The following PREX1 variants were observed in gnomAD, a reference collection of about 807,000 sequenced individuals.
PREX1 encodes phosphatidylinositol-3,4,5-trisphosphate dependent Rac exchange factor 1.
Under a neutral mutation model 198.3 loss-of-function variants are expected in PREX1, and 41 were observed. The ratio of observed to expected loss-of-function variants is 0.21; its 90% CI spans 0.16 to 0.27. The LOEUF (loss-of-function observed/expected upper bound fraction) is 0.27, where lower values mean the gene tolerates loss of function less well. PREX1 is among the 10% of genes least tolerant of loss of function. The probability of loss-of-function intolerance (pLI) is 1.00; values close to 1 mark genes in which losing one functional copy is unlikely to be tolerated. For missense variants in PREX1, 1,620 were observed against 2,200.7 expected (o/e 0.74, Z 5.28); for synonymous variants, 843 against 887.2 (o/e 0.95, Z 0.89).
At chr20:48,756,072 G>A (rs1178161917) in intron 1 of PREX1, among the ~76,000 whole-genome samples, 2 of 152,206 alleles carry the variant, frequency 1.3e-5, no homozygotes, top group Non-Finnish European at 2.9e-5. Flanking sequence ...GTGGGGAACA[G>A]AGCAGCGGCA....
intron 39 of PREX1, among the ~76,000 whole-genome samples, chr20:48,626,648 C>T (rs186047365): frequency 6.6e-6 from 1 of 152,328 alleles, no homozygotes; most frequent in African/African-American, 2.4e-5. Context: ...GAGACACAAA[C>T]AAGGTGTGTG....
At chr20:48,732,246 A>G (rs894506752) in intron 4 of PREX1, among the ~76,000 whole-genome samples, 1 of 152,194 alleles carries the variant, frequency 6.6e-6, no homozygotes, top group African/African-American at 2.4e-5. Context: ...CAGTCTGCCA[A>G]TTTGCCCTTC....
rs768633754 is a variant in PREX1, at chr20:48,726,284, T to G, written c.621+6A>C. 6.2e-7 allele frequency: 1 copy of G among 1,609,962 alleles called. No homozygotes were observed. Among genetic ancestry groups the G allele is most frequent in the Admixed American group, 1.7e-5 (1 of 59,902 alleles). On this transcript the variant is annotated splice_donor_region_variant and intron_variant, in intron 5 of 39. Coordinates refer to ENST00000371941, the MANE Select transcript of PREX1 (RefSeq NM_020820.4). ...TTCTGTCACTTCAAATACGGGAAAGTCTCACCTTAAGGAGGAGCGGGTACT... is the reference window on the plus strand; with the variant it reads ...TTCTGTCACTTCAAATACGGGAAAGGCTCACCTTAAGGAGGAGCGGGTACT...
In PREX1 at chr20:48,827,394, G is replaced by A. The variant is rs1232880364; in HGVS notation, c.219+248C>T. The stretch of plus-strand genomic sequence containing the variant: ...GGGGACGGGGAAGAAAAGACAAAAG[G>A]GCAGCGCGCGCCGCGGGGAAGTGGA... On this transcript the variant is annotated intron_variant, in intron 1 of 39. Transcript: ENST00000371941. The surrounding 1 kb of genome is among the most constrained non-coding windows in gnomAD (Gnocchi z 4.1). Among the ~76,000 whole-genome samples, 5 of 152,194 alleles carry A rather than the reference G, an allele frequency of 3.3e-5. No individual in the cohort carries two copies. The highest frequency in any genetic ancestry group is 1.2e-4 in the African/African-American group (5 of 41,458).
chr20:48,791,044 A>G (rs2090336587), intron 1 of PREX1, among the ~76,000 whole-genome samples: 2 of 152,184 alleles, frequency 1.3e-5, no homozygotes, highest in Admixed American at 6.5e-5. Context: ...AGAGGGTGAG[A>G]GTGTGCGCAT....
chr20:48,802,534 T>C (rs993033269), intron 1 of PREX1, among the ~76,000 whole-genome samples: 4 of 152,222 alleles, frequency 2.6e-5, no homozygotes, highest in African/African-American at 9.6e-5. Flanking sequence ...CCTTCCCTGA[T>C]CATCAGATCC....
chr20:48,858,046 C>T, the PREX1 span, among the ~76,000 whole-genome samples: 4 of 152,232 alleles, frequency 2.6e-5, no homozygotes, highest in Admixed American at 6.5e-5. Flanking sequence ...ATGGCAGCGG[C>T]AGGGGCCATG....
At chr20:48,844,073 G>A in the PREX1 span, among the ~76,000 whole-genome samples, 7 of 152,024 alleles carry the variant, frequency 4.6e-5, 1 homozygote, top group South Asian at 4.1e-4. Context: ...CTGGGAGGTC[G>A]AGGCTGCAGT....
chr20:48,847,897 CA>C, the PREX1 span, among the ~76,000 whole-genome samples: 1 of 152,158 alleles, frequency 6.6e-6, no homozygotes, highest in African/African-American at 2.4e-5. Context: ...TTCTTTCACT[CA>C]ACATAAACAA....
intron 13 of PREX1, among the ~76,000 whole-genome samples, chr20:48,676,954 G>C (rs376700837): frequency 6.6e-6 from 1 of 152,222 alleles, no homozygotes; most frequent in Non-Finnish European, 1.5e-5. Flanking sequence ...GCCTGTGACA[G>C]CATCTGAATC....
At chr20:48,636,412 G>A (rs752048984) in intron 32 of PREX1, 51 bp downstream of exon 32, 27 of 1,529,522 alleles carry the variant, frequency 1.8e-5, no homozygotes, top group South Asian at 2.4e-5. Flanking sequence ...CGGCCTGGGC[G>A]GGCACCAGTG....
At chr20:48,789,487 T>A (rs1007402941) in intron 1 of PREX1, among the ~76,000 whole-genome samples, 1 of 152,226 alleles carries the variant, frequency 6.6e-6, no homozygotes, top group Non-Finnish European at 1.5e-5. Context: ...GCAGTGGGTA[T>A]CATTAGTCTC....
chr20:48,863,520 A>G, the PREX1 span, among the ~76,000 whole-genome samples: 2 of 119,148 alleles, frequency 1.7e-5, no homozygotes, highest in Admixed American at 8.5e-5. Flanking sequence ...TTCTTTCTCT[A>G]TAGTTTTGGT....
rs569822492 is a variant in PREX1, at chr20:48,653,331, T to C, written c.2346+30A>G. 54 of 1,605,128 alleles carry C rather than the reference T, an allele frequency of 3.4e-5. 1 individual carries two copies. The South Asian group carries it at 5.5e-4, about 16-fold the overall frequency. Reference sequence around the variant, plus strand: ...ACCCACCCCCACTCAGCAGGACTTCTTTGACGGCCCCGGTTTCCAGTAAAC... The same window carrying C: ...ACCCACCCCCACTCAGCAGGACTTCCTTGACGGCCCCGGTTTCCAGTAAAC... On this transcript the variant is annotated intron_variant, in intron 20 of 39. Transcript: ENST00000371941.
At chr20:48,669,121 C>T (rs995691120) in intron 14 of PREX1, among the ~76,000 whole-genome samples, 2 of 152,032 alleles carry the variant, frequency 1.3e-5, no homozygotes, top group Admixed American at 6.5e-5. Context: ...CCTGCAACCT[C>T]CCCCGCCATG....
In PREX1 at chr20:48,657,104, T is replaced by C. The variant is rs1302229333; in HGVS notation, c.2059A>G (p.Ile687Val). 2 of 1,611,462 alleles carry C rather than the reference T, an allele frequency of 1.2e-6. No individual in the cohort carries two copies. Among genetic ancestry groups the C allele is most frequent in the East Asian group, 4.5e-5 (2 of 44,830 alleles). ...CGGGAGCAGAAGGACTGGTTGAGGA[T>C]GGACTCCACCTCTGAAAACGGCCGC... ...FLRPFSEVES[I>V]LNQSFCSRRP... Residue 687 changes from isoleucine to valine, a missense_variant, in exon 18 of 40, where the codon ATC becomes GTC. Transcript: ENST00000371941.
intron 18 of PREX1, 33 bp downstream of exon 18, chr20:48,657,007 G>C: frequency 6.4e-7 from 1 of 1,557,262 alleles, no homozygotes; most frequent in Non-Finnish European, 8.7e-7. Context: ...CTGAGAGGGA[G>C]GGCTGCCGGA....
Position 48,663,910 on chromosome 20 carries a change from G to GCACGCA in PREX1, c.1738+2372_1738+2373insTGCGTG, listed in dbSNP as rs1555833042. Among the ~76,000 whole-genome samples the GCACGCA allele has an allele frequency of 2.0e-5, 3 of 150,126 alleles. No individual in the cohort carries two copies. The East Asian group carries it at 5.9e-4, about 29-fold the overall frequency. ...CACACACATACAAGTGTGAGTGCGC[G>GCACGCA]CACACACACACACACACACGGGACT... On this transcript the variant is annotated intron_variant, in intron 15 of 39. Transcript: ENST00000371941.
intron 4 of PREX1, among the ~76,000 whole-genome samples, chr20:48,733,710 G>GTTGTTGTTGTTGTTA (rs2090044735): frequency 6.6e-6 from 1 of 151,312 alleles, no homozygotes; most frequent in Admixed American, 6.6e-5. Flanking sequence ...TGTTGCTGTT[G>GTTGTTGTTGTTGTTA]TTGTTGTTGT....
Sources: gnomAD v4.1 joint callset for allele counts (sites outside exome capture counted in the v4.1 genomes callset) on GRCh38, gnomAD v4.1.1 for gene constraint, Gnocchi (gnomAD v3.1) non-coding constraint, MANE v1.5 for transcripts, NCBI Gene and HGNC (gene_info 2026-07-23, HGNC 2026-07-21) for gene names.